DSG1: variants seen among roughly 807,000 people sequenced by gnomAD.
DSG1 encodes desmoglein-1.
Under a neutral mutation model 97.5 loss-of-function variants are expected in DSG1, and 39 were observed. The ratio of observed to expected loss-of-function variants is 0.40; its 90% CI spans 0.31 to 0.52. The LOEUF (loss-of-function observed/expected upper bound fraction) is 0.52. DSG1 is among the 20% of genes least tolerant of loss of function. The pLI is 0.53. For synonymous variants in DSG1, 475 were observed against 443.4 expected, an observed-to-expected ratio of 1.07 and a Z score of -0.90; for missense variants, 1,311 against 1,295.4, an observed-to-expected ratio of 1.01 and a Z score of -0.18.
At position 31,357,406 on chromosome 18, in the gene DSG1, G is replaced by C. The variant is rs762680497; in HGVS notation, c.*2060G>C. Among the ~76,000 whole-genome samples the C allele has an allele frequency of 2.9e-4, 44 of 151,854 alleles. No individual in the cohort carries two copies. The highest frequency in any genetic ancestry group is 4.9e-4 in the Non-Finnish European group (33 of 67,866). ...ATTAAGACATACTTGAGTATGCCTG[G>C]GTCCAGGAGTTTTAAGGAATAGAAA... is the stretch of plus-strand genomic sequence containing the variant. On this transcript the variant is annotated 3_prime_UTR_variant, in exon 15 of 15. Coordinates refer to ENST00000257192, the MANE Select transcript of DSG1 (RefSeq NM_001942.4).
At chr18:31,345,842 A>T (rs1357828330) in intron 13 of DSG1, 148 bp from the exon 14 acceptor site, 3 of 635,766 alleles carry the variant, frequency 4.7e-6, no homozygotes, top group East Asian at 2.8e-5. Flanking sequence ...TATTGTATTT[A>T]TATCTCCTTT....
intron 2 of DSG1, 59 bp from the exon 3 acceptor site, chr18:31,326,815 G>T: frequency 6.3e-7 from 1 of 1,581,640 alleles, no homozygotes; most frequent in Non-Finnish European, 8.7e-7. Context: ...AAATCTCAGT[G>T]GAATTTGAAT....
Position 31,356,001 on chromosome 18 carries a change from G to C in DSG1, c.*655G>C, listed in dbSNP as rs1415972951. The C allele has an allele frequency of 6.5e-6, 1 of 153,050 alleles. No homozygotes were observed. Among genetic ancestry groups the C allele is most frequent in the African/African-American group, 2.4e-5 (1 of 41,444 alleles). 9.5% of individuals were successfully genotyped at this position (153,050 alleles called of 1,614,324 possible). A position where few individuals can be genotyped will look rare whatever the true frequency, so the allele number is the denominator to read the frequency against. On this transcript the variant is annotated 3_prime_UTR_variant, in exon 15 of 15. Coordinates refer to ENST00000257192, the MANE Select transcript of DSG1 (RefSeq NM_001942.4). Reference sequence around the variant, plus strand: ...TTCAGGGTAAACTAGCAATGCCTGAGCCTGAACCTTAATGTGGGGCCTCAG... The same window carrying C: ...TTCAGGGTAAACTAGCAATGCCTGACCCTGAACCTTAATGTGGGGCCTCAG...
chr18:31,325,402 G>T (rs939060201), intron 1 of DSG1, among the ~76,000 whole-genome samples: 1 of 152,142 alleles, frequency 6.6e-6, no homozygotes, highest in Non-Finnish European at 1.5e-5. Context: ...TGAAGAAATG[G>T]CTTTCAAACA....
Position 31,355,177 on chromosome 18 carries a change from C to A in DSG1, c.2981C>A (p.Ala994Asp). ...GCTGGGAGCGGTGCCCTGAGTGGAG[C>A]TGGCATAAGTGGTGGTGGCATTGGC... ...MGAGSGALSGAGISGGGIGLS... is the reference protein window; with the variant it reads ...MGAGSGALSGDGISGGGIGLS... Residue 994 changes from alanine (A) to aspartate (D), a missense_variant, in exon 15 of 15, where the codon GCT (alanine) becomes GAT (aspartate). By Grantham distance (126) the Ala-to-Asp change is moderately radical. Around this residue, in one of 3 missense-constraint regions of DSG1, gnomAD observed 1,038 missense variants for 964.6 expected, o/e 1.08. Coordinates refer to ENST00000257192, the MANE Select transcript of DSG1 (RefSeq NM_001942.4). 1 of 1,604,158 alleles carries A rather than the reference C, an allele frequency of 6.2e-7. No individual in the cohort carries two copies. The highest frequency in any genetic ancestry group is 8.5e-7 in the Non-Finnish European group (1 of 1,174,062).
rs891047012 is a variant in DSG1 at position 31,356,134 on chromosome 18, C to T, written c.*788C>T. On this transcript the variant is annotated 3_prime_UTR_variant, in exon 15 of 15. Coordinates refer to ENST00000257192, the MANE Select transcript of DSG1 (RefSeq NM_001942.4). ...TGGTGAGGTTGAGGAATATCACACT[C>T]GTCTTTCCCTTTACCACTGTGGTTT... is the stretch of plus-strand genomic sequence containing the variant. 6.6e-6 allele frequency: 1 copy of T among 152,118 alleles called. No homozygotes were observed. Among genetic ancestry groups the T allele is most frequent in the Non-Finnish European group, 1.5e-5 (1 of 68,020 alleles). The allele number at this position is 152,118 out of a possible 1,614,324, so 9.4% of individuals were successfully genotyped here. A position where few individuals can be genotyped will look rare whatever the true frequency, so the allele number is the denominator to read the frequency against.
At chr18:31,351,391 A>G (rs1009971221) in intron 14 of DSG1, among the ~76,000 whole-genome samples, 10 of 147,354 alleles carry the variant, frequency 6.8e-5, no homozygotes, top group African/African-American at 2.6e-4. Context: ...ACTTCCCAGT[A>G]TGTGGTCAAT....
chr18:31,334,608 T>C (rs1268540155), intron 8 of DSG1, among the ~76,000 whole-genome samples: 1 of 152,164 alleles, frequency 6.6e-6, no homozygotes, highest in Non-Finnish European at 1.5e-5. Context: ...TGTAGAATAT[T>C]CATCATGTAA....
intron 9 of DSG1, 140 bp from the exon 10 acceptor site, chr18:31,338,175 G>GA (rs563629239): frequency 4.8e-5 from 44 of 908,346 alleles, no homozygotes; most frequent in Admixed American, 7.3e-5. Context: ...AGACTGCCCT[G>GA]AAAAAAAATA....
rs544242863 is a variant in DSG1, at chr18:31,357,452, A to T, written c.*2106A>T. Among the ~76,000 whole-genome samples the T allele has an allele frequency of 6.6e-6, 1 of 152,036 alleles. No homozygotes were observed. Among genetic ancestry groups the T allele is most frequent in the Non-Finnish European group, 1.5e-5 (1 of 67,916 alleles). ...AGAAATAAGTATTAATGAATTAATTAAGTAATTTATTAAAGGGAATGGTAG... is the reference window on the plus strand; with the variant it reads ...AGAAATAAGTATTAATGAATTAATTTAGTAATTTATTAAAGGGAATGGTAG... On this transcript the variant is annotated 3_prime_UTR_variant, in exon 15 of 15. Coordinates refer to ENST00000257192, the MANE Select transcript of DSG1 (RefSeq NM_001942.4).
chr18:31,318,990 C>T (rs2144078393), intron 1 of DSG1, among the ~76,000 whole-genome samples: 1 of 152,160 alleles, frequency 6.6e-6, no homozygotes, highest in African/African-American at 2.4e-5. Flanking sequence ...GAAGAAGTGG[C>T]TATAATTAAA....
At chr18:31,333,312 G>C (rs1275752095) in intron 6 of DSG1, among the ~76,000 whole-genome samples, 1 of 152,044 alleles carries the variant, frequency 6.6e-6, no homozygotes, top group Non-Finnish European at 1.5e-5. Context: ...GATCATTCTG[G>C]TTTGTTTTAC....
intron 3 of DSG1, 125 bp downstream of exon 3, chr18:31,327,130 T>G (rs2071690677): frequency 7.9e-7 from 1 of 1,263,624 alleles, no homozygotes; most frequent in South Asian, 1.3e-5. Flanking sequence ...AGAACTATAG[T>G]CACCTAGATG....
intron 8 of DSG1, among the ~76,000 whole-genome samples, chr18:31,335,939 C>T (rs2071749151): frequency 6.6e-6 from 1 of 151,584 alleles, no homozygotes. Flanking sequence ...GATAAAACCA[C>T]TCAAATGATT....
At chr18:31,322,897 A>G (rs905255183) in intron 1 of DSG1, among the ~76,000 whole-genome samples, 13 of 152,208 alleles carry the variant, frequency 8.5e-5, no homozygotes, top group African/African-American at 3.1e-4. Context: ...AAAGGAAAAC[A>G]TTAAAAATTA....
chr18:31,345,037 A>G (rs762348523), intron 13 of DSG1, among the ~76,000 whole-genome samples: 3 of 152,174 alleles, frequency 2.0e-5, no homozygotes, highest in Non-Finnish European at 2.9e-5. Flanking sequence ...CAAAAGCAGA[A>G]TCTCATTGTT....
chr18:31,336,825 G>T (rs1325699110), intron 9 of DSG1, among the ~76,000 whole-genome samples: 1 of 152,154 alleles, frequency 6.6e-6, no homozygotes, highest in African/African-American at 2.4e-5. Flanking sequence ...AAACTGTAAA[G>T]ATGTGATATG....
At chr18:31,324,150 A>G (rs1204868012) in intron 1 of DSG1, among the ~76,000 whole-genome samples, 10 of 151,266 alleles carry the variant, frequency 6.6e-5, no homozygotes, top group Admixed American at 6.6e-4. Flanking sequence ...CGCCCAGCTA[A>G]TTTTTGTATT....
At position 31,331,397 on chromosome 18, in the gene DSG1, C is replaced by T. The variant is rs144910484; in HGVS notation, c.518-304C>T. On this transcript the variant is annotated intron_variant, in intron 5 of 14. Transcript: ENST00000257192. ...CTGGCCTTATTATCATTTTGTTTCG[C>T]CACAGCATCCTTTAAAAAAGAAGAA... Among the ~76,000 whole-genome samples, 1,175 of 151,946 alleles carry T rather than the reference C, an allele frequency of 7.7e-3. 10 individuals are homozygous for T. Among genetic ancestry groups the T allele is most frequent in the African/African-American group, 0.027 (1,122 of 41,494 alleles).
Sources: allele counts gnomAD v4.1 joint callset (sites outside exome capture counted in the v4.1 genomes callset), GRCh38; gene constraint gnomAD v4.1.1; regional missense constraint gnomAD v4.1.1; transcripts MANE v1.5; gene names NCBI Gene and HGNC (gene_info 2026-07-23, HGNC 2026-07-21).